The following ALDH1A3 variants were observed in gnomAD, a reference collection of about 807,000 sequenced individuals.
ALDH1A3 encodes the protein aldehyde dehydrogenase 1 family member A3, also known as retinaldehyde dehydrogenase 3.
Under a neutral mutation model 57.5 loss-of-function variants are expected in ALDH1A3, and 28 were observed. That is an observed-to-expected ratio of 0.49 (90% CI 0.36 to 0.67). ALDH1A3 has a LOEUF of 0.67. ALDH1A3 is among the 30% of genes least tolerant of loss of function. ALDH1A3 has a pLI of 0.00. For synonymous variants in ALDH1A3, 281 were observed against 264.8 expected, an observed-to-expected ratio of 1.06 and a Z score of -0.59; for missense variants, 507 against 669.4, an observed-to-expected ratio of 0.76 and a Z score of 2.68.
At position 100,887,469 on chromosome 15, in the gene ALDH1A3, C is replaced by T. The variant is rs1204195694; in HGVS notation, c.205-103C>T. ...AAAGATGACACCCAAACTGCAGTCA[C>T]CTCAAAAGATGACACCCAAACTTCA... On this transcript the variant is annotated intron_variant, in intron 2 of 12. Coordinates refer to ENST00000329841, the MANE Select transcript of ALDH1A3 (RefSeq NM_000693.4). This position sits in a 1 kb window ranked among gnomAD's most constrained non-coding sequence, Gnocchi z 4.6. 1.4e-5 allele frequency: 19 copies of T among 1,350,012 alleles called. No homozygotes were observed. The highest frequency in any genetic ancestry group is 2.8e-5 in the East Asian group (1 of 35,476). The allele number at this position is 1,350,012 out of a possible 1,614,324, so 83.6% of individuals were successfully genotyped here. A position where few individuals can be genotyped will look rare whatever the true frequency, so the allele number is the denominator to read the frequency against.
In ALDH1A3 at chr15:100,887,823, G is replaced by C; in HGVS notation, c.345+111G>C. 12 of 1,339,976 alleles carry C rather than the reference G, an allele frequency of 9.0e-6. No homozygotes were observed. The highest frequency in any genetic ancestry group is 1.5e-5 in the African/African-American group (1 of 67,986). The allele number at this position is 1,339,976 out of a possible 1,614,324, so 83.0% of individuals were successfully genotyped here. On this transcript the variant is annotated intron_variant, in intron 3 of 12. Coordinates refer to ENST00000329841, the MANE Select transcript of ALDH1A3 (RefSeq NM_000693.4). This position sits in a 1 kb window ranked among gnomAD's most constrained non-coding sequence, Gnocchi z 4.6. ...ACGGTCCTGGTTTTGTGTGGTCGTGGGTCTGTTCCATCCTCTGAGACACGG... is the reference window on the plus strand; with the variant it reads ...ACGGTCCTGGTTTTGTGTGGTCGTGCGTCTGTTCCATCCTCTGAGACACGG...
intron 2 of ALDH1A3, among the ~76,000 whole-genome samples, chr15:100,886,892 C>G (rs1350398457): frequency 6.6e-6 from 1 of 152,156 alleles, no homozygotes; most frequent in African/African-American, 2.4e-5. Context: ...AAGGAATTTC[C>G]CCATTCTCAC....
At position 100,894,151 on chromosome 15, in the gene ALDH1A3, G is replaced by A. The variant is rs376368932; in HGVS notation, c.666+69G>A. 5.7e-5 allele frequency: 89 copies of A among 1,572,726 alleles called. No homozygotes were observed. The highest frequency in any genetic ancestry group is 2.1e-4 in the Admixed American group (12 of 57,974). ...TCCCACTCCTAGGAACCAGGCCACC[G>A]TCACGAGATGGGACAGTGGCAGACT... On this transcript the variant is annotated intron_variant, in intron 6 of 12. Transcript: ENST00000329841. The surrounding 1 kb of genome is among the most constrained non-coding windows in gnomAD (Gnocchi z 4.5).
In ALDH1A3 at chr15:100,898,378, A is replaced by C. The variant is rs143277086; in HGVS notation, c.883+193A>C. On this transcript the variant is annotated intron_variant, in intron 8 of 12. Transcript: ENST00000329841. ...AGGTGGACATCAAAATGCCAGCTTTACTTCTAGCAGAAAGCTGCCTTCTAC... is the reference window on the plus strand; with the variant it reads ...AGGTGGACATCAAAATGCCAGCTTTCCTTCTAGCAGAAAGCTGCCTTCTAC... 0.011 allele frequency among the ~76,000 whole-genome samples: 1,684 copies of C among 152,358 alleles called. 27 individuals carry two copies. The highest frequency in any genetic ancestry group is 0.038 in the African/African-American group (1,598 of 41,590).
intron 12 of ALDH1A3, among the ~76,000 whole-genome samples, chr15:100,911,075 T>C (rs1217608722): frequency 6.6e-6 from 1 of 152,290 alleles, no homozygotes; most frequent in African/African-American, 2.4e-5. Context: ...GTCTGTTTTT[T>C]AGGCCCTTGG....
chr15:100,892,635 C>T lies in ALDH1A3; in HGVS notation c.471C>T (p.Pro157=). The change falls in exon 4 of 13, where the codon CCC becomes CCT. Residue 157 remains proline (P), a synonymous_variant. Transcript: ENST00000329841. The part of the protein sequence containing the change: ...WADKIQGKTI[P]TDDNVVCFTR... ...ACAAAATCCAGGGCAAGACCATCCC[C>T]ACAGGTGAGCAAGGTGGATTATAGC... 2 of 1,608,934 alleles carry T rather than the reference C, an allele frequency of 1.2e-6. No homozygotes were observed. Among genetic ancestry groups the T allele is most frequent in the Non-Finnish European group, 1.7e-6 (2 of 1,178,698 alleles).
chr15:100,912,486 C>G (rs970465943), intron 12 of ALDH1A3, among the ~76,000 whole-genome samples: 1 of 151,972 alleles, frequency 6.6e-6, no homozygotes, highest in African/African-American at 2.4e-5. Context: ...TCTAGTTTGT[C>G]ATTTGGGAGT....
rs2041612078 is a variant in ALDH1A3, at chr15:100,887,824, G to T, written c.345+112G>T. ...CGGTCCTGGTTTTGTGTGGTCGTGGGTCTGTTCCATCCTCTGAGACACGGC... is the reference window on the plus strand; with the variant it reads ...CGGTCCTGGTTTTGTGTGGTCGTGGTTCTGTTCCATCCTCTGAGACACGGC... On this transcript the variant is annotated intron_variant, in intron 3 of 12. Transcript: ENST00000329841. The surrounding 1 kb of genome is among the most constrained non-coding windows in gnomAD (Gnocchi z 4.6). 3.0e-6 allele frequency: 4 copies of T among 1,332,300 alleles called. No individual in the cohort carries two copies. The highest frequency in any genetic ancestry group is 2.6e-5 in the East Asian group (1 of 38,278). The allele number at this position is 1,332,300 out of a possible 1,614,324, so 82.5% of individuals were successfully genotyped here.
chr15:100,909,673 C>A (rs2041864383), intron 12 of ALDH1A3, among the ~76,000 whole-genome samples: 1 of 152,162 alleles, frequency 6.6e-6, no homozygotes, highest in Non-Finnish European at 1.5e-5. Flanking sequence ...AATGAGTTCC[C>A]TAGGTTTAGA....
intron 1 of ALDH1A3, among the ~76,000 whole-genome samples, chr15:100,883,217 G>A (rs944265811): frequency 3.3e-5 from 5 of 152,116 alleles, no homozygotes; most frequent in African/African-American, 7.2e-5. Context: ...TTCACTGACA[G>A]TCTCTATTAT....
At chr15:100,881,686 G>A (rs2041549241) in intron 1 of ALDH1A3, among the ~76,000 whole-genome samples, 1 of 152,146 alleles carries the variant, frequency 6.6e-6, no homozygotes, top group African/African-American at 2.4e-5. Context: ...GCCAGTTAAA[G>A]GGAACCAGTG....
chr15:100,891,340 T>TA (rs1486791571), intron 3 of ALDH1A3, among the ~76,000 whole-genome samples: 3 of 152,220 alleles, frequency 2.0e-5, no homozygotes, highest in Non-Finnish European at 4.4e-5. Context: ...GCCTCCTATT[T>TA]AAAGGGGGCT....
intron 6 of ALDH1A3, 84 bp from the exon 7 acceptor site, chr15:100,895,849 C>A: frequency 8.2e-7 from 1 of 1,212,342 alleles, no homozygotes; most frequent in South Asian, 1.3e-5. Flanking sequence ...GGATGTGAGG[C>A]AGCCACGGCT....
chr15:100,887,500 G>C lies in ALDH1A3; in HGVS notation c.205-72G>C, dbSNP rs370718156. 8.3e-6 allele frequency: 12 copies of C among 1,442,294 alleles called. No homozygotes were observed. In the Admixed American group the frequency reaches 1.0e-4, roughly 12 times the overall value. The allele number at this position is 1,442,294 out of a possible 1,614,324, so 89.3% of individuals were successfully genotyped here. A position where few individuals can be genotyped will look rare whatever the true frequency, so the allele number is the denominator to read the frequency against. ...AAGATGACACCCAAACTTCAGTCAC[G>C]TCAAAAGATGACACCCAAACTGCAG... On this transcript the variant is annotated intron_variant, in intron 2 of 12. Coordinates refer to ENST00000329841, the MANE Select transcript of ALDH1A3 (RefSeq NM_000693.4). This position sits in a 1 kb window ranked among gnomAD's most constrained non-coding sequence, Gnocchi z 4.6.
At position 100,894,189 on chromosome 15, in the gene ALDH1A3, G is replaced by A. The variant is rs1288351665; in HGVS notation, c.666+107G>A. Reference sequence around the variant, plus strand: ...ACAGTGGCAGACTGCTGGCAATCGAGTGGGAAGGGAATGACTTCCAGTGTT... The same window carrying A: ...ACAGTGGCAGACTGCTGGCAATCGAATGGGAAGGGAATGACTTCCAGTGTT... On this transcript the variant is annotated intron_variant, in intron 6 of 12. Transcript: ENST00000329841. The surrounding 1 kb of genome is among the most constrained non-coding windows in gnomAD (Gnocchi z 4.5). 2.1e-6 allele frequency: 3 copies of A among 1,396,220 alleles called. No homozygotes were observed. The highest frequency in any genetic ancestry group is 2.9e-6 in the Non-Finnish European group (3 of 1,021,754). The allele number at this position is 1,396,220 out of a possible 1,614,324, so 86.5% of individuals were successfully genotyped here. A position where few individuals can be genotyped will look rare whatever the true frequency, so the allele number is the denominator to read the frequency against.
intron 1 of ALDH1A3, chr15:100,880,826 C>T: frequency 6.6e-6 from 1 of 152,302 alleles, no homozygotes. Flanking sequence ...GCCTCCGAGG[C>T]CTCTGAGCTG....
chr15:100,902,138 C>A (rs866782329), intron 9 of ALDH1A3, among the ~76,000 whole-genome samples: 2 of 152,168 alleles, frequency 1.3e-5, no homozygotes, highest in South Asian at 4.1e-4. Context: ...ACAGAAGAAA[C>A]TTTTTTACCC....
In ALDH1A3 at chr15:100,914,944, C is replaced by G; in HGVS notation, c.*171C>G. The G allele has an allele frequency of 9.3e-6, 6 of 648,118 alleles. No individual in the cohort carries two copies. In the South Asian group the frequency reaches 1.1e-4, roughly 12 times the overall value. 40.1% of individuals were successfully genotyped at this position (648,118 alleles called of 1,614,324 possible). A position where few individuals can be genotyped will look rare whatever the true frequency, so the allele number is the denominator to read the frequency against. Reference sequence around the variant, plus strand: ...TTCCTCTCACTCTCCTGTTTATTCACCAGACTGGGGATGCCTATAGGTTGT... The same window carrying G: ...TTCCTCTCACTCTCCTGTTTATTCAGCAGACTGGGGATGCCTATAGGTTGT... On this transcript the variant is annotated 3_prime_UTR_variant, in exon 13 of 13. Coordinates refer to ENST00000329841, the MANE Select transcript of ALDH1A3 (RefSeq NM_000693.4).
In ALDH1A3 at chr15:100,889,332, C is replaced by T. The variant is rs997547609; in HGVS notation, c.345+1620C>T. Among the ~76,000 whole-genome samples, 9 of 152,144 alleles carry T rather than the reference C, an allele frequency of 5.9e-5. No homozygotes were observed. Among genetic ancestry groups the T allele is most frequent in the African/African-American group, 2.2e-4 (9 of 41,434 alleles). ...TCTCAGGGTGGAGGAACTCTCAGGC[C>T]GTACTCTTGGGTGCATTTCCCTAAG... On this transcript the variant is annotated intron_variant, in intron 3 of 12. Coordinates refer to ENST00000329841, the MANE Select transcript of ALDH1A3 (RefSeq NM_000693.4). This position sits in a 1 kb window ranked among gnomAD's most constrained non-coding sequence, Gnocchi z 5.1.
Sources: gnomAD v4.1 joint callset for allele counts (sites outside exome capture counted in the v4.1 genomes callset) on GRCh38, gnomAD v4.1.1 for gene constraint, Gnocchi (gnomAD v3.1) non-coding constraint, MANE v1.5 for transcripts, NCBI Gene and HGNC (gene_info 2026-07-23, HGNC 2026-07-21) for gene names.